Variants in STK32B observed in about 807,000 individuals in gnomAD.
The protein encoded by STK32B is serine/threonine kinase 32B, also known as serine/threonine-protein kinase 32B.
A neutral mutation model predicts 52.6 loss-of-function variants in STK32B; 43 were observed. The ratio of observed to expected loss-of-function variants is 0.82; its 90% confidence interval spans 0.64 to 1.05. The LOEUF (loss-of-function observed/expected upper bound fraction) is 1.05, where lower values mean the gene tolerates loss of function less well. STK32B is among the 50% of genes least tolerant of loss of function. The probability of loss-of-function intolerance (pLI) is 0.00; values close to 1 mark genes in which losing one functional copy is unlikely to be tolerated. For synonymous variants in STK32B, 238 were observed against 204.3 expected, an observed-to-expected ratio of 1.17 and a Z score of -1.41; for missense variants, 621 against 534.6, an observed-to-expected ratio of 1.16 and a Z score of -1.59.
chr4:5,409,789 A>G lies in STK32B; in HGVS notation c.473-7056A>G, dbSNP rs771962597. 3.8e-4 allele frequency among the ~76,000 whole-genome samples: 58 copies of G among 152,156 alleles called. 1 individual carries two copies. The highest frequency in any genetic ancestry group is 3.2e-3 in the Middle Eastern group (1 of 316). ...CCACTCTTCACCTGTGCATGGGGGCAGCCTGGAGCAGACAGATGATTTTTT... is the reference window on the plus strand; with the variant it reads ...CCACTCTTCACCTGTGCATGGGGGCGGCCTGGAGCAGACAGATGATTTTTT... On this transcript the variant is annotated intron_variant, in intron 5 of 11. Coordinates refer to ENST00000282908, the MANE Select transcript of STK32B (RefSeq NM_018401.3).
chr4:5,053,409 T>G (rs747943097), intron 1 of STK32B, among the ~76,000 whole-genome samples: 1 of 152,146 alleles, frequency 6.6e-6, no homozygotes, highest in Non-Finnish European at 1.5e-5. Flanking sequence ...GTTTGAACAC[T>G]ATGCAGCATC....
the STK32B span, among the ~76,000 whole-genome samples, chr4:5,024,044 G>C: frequency 3.9e-5 from 6 of 152,148 alleles, no homozygotes; most frequent in African/African-American, 1.2e-4. Flanking sequence ...AGGGAATCTG[G>C]AGCTCAGGAA....
chr4:5,273,946 C>T (rs1424568966), intron 3 of STK32B, among the ~76,000 whole-genome samples: 2 of 151,060 alleles, frequency 1.3e-5, no homozygotes, highest in African/African-American at 4.9e-5. Context: ...ACATATGTAA[C>T]TAACCTGCAC....
intron 3 of STK32B, among the ~76,000 whole-genome samples, chr4:5,249,493 T>TCCCTC (rs1725754231): frequency 8.2e-6 from 1 of 121,930 alleles, no homozygotes; most frequent in African/African-American, 3.7e-5. Flanking sequence ...CTTCCTTCCT[T>TCCCTC]CCTTCCTTCC....
chr4:5,261,718 A>C (rs1726723591), intron 3 of STK32B, among the ~76,000 whole-genome samples: 1 of 152,168 alleles, frequency 6.6e-6, no homozygotes, highest in Non-Finnish European at 1.5e-5. Flanking sequence ...CAAACACTGG[A>C]CACTCAGAAA....
chr4:5,466,822 C>T lies in STK32B; in HGVS notation c.1029C>T (p.Asp343=). The change falls in exon 10 of 12, where the codon GAC becomes GAT. Residue 343 remains aspartate, a synonymous_variant. Transcript: ENST00000282908. The stretch of plus-strand genomic sequence containing the variant: ...ACAGATCCAGGGATGGCACAAAGGA[C>T]AGCTGCCCGCTGGTGAGTGCTTCGT... ...AKNRSRDGTK[D]SCPLNGHLQH... is the part of the protein sequence containing the mutation. The T allele has an allele frequency of 1.2e-6, 2 of 1,613,390 alleles. No individual in the cohort carries two copies. The highest frequency in any genetic ancestry group is 1.1e-5 in the South Asian group (1 of 90,892).
chr4:5,330,518 G>C (rs1304408648), intron 3 of STK32B, among the ~76,000 whole-genome samples: 1 of 152,126 alleles, frequency 6.6e-6, no homozygotes, highest in Admixed American at 6.5e-5. Flanking sequence ...TGGGGTAACT[G>C]GGCTCAGCTG....
chr4:5,191,573 C>G (rs1721205141), intron 3 of STK32B, among the ~76,000 whole-genome samples: 1 of 152,058 alleles, frequency 6.6e-6, no homozygotes, highest in African/African-American at 2.4e-5. Context: ...CCTTTTTTAA[C>G]TTGTTGGTGT....
rs1413419721 is a variant in STK32B at position 5,398,289 on chromosome 4, T to C, written c.472+45T>C. On this transcript the variant is annotated intron_variant, in intron 5 of 11. Transcript: ENST00000282908. The surrounding 1 kb of genome is among the most constrained non-coding windows in gnomAD (Gnocchi z 4.9). ...TTTACAGGGACTCTCAGTGGAAAGT[T>C]TGAGGCACTGGGAAATAGTGCGGGG... is the stretch of plus-strand genomic sequence containing the variant. The C allele has an allele frequency of 6.2e-7, 1 of 1,611,516 alleles. No homozygotes were observed.
At chr4:5,048,296 ATTTTTT>A (rs934389483), upstream of STK32B, among the ~76,000 whole-genome samples, 1 of 111,864 alleles carries the variant, frequency 8.9e-6, no homozygotes, top group African/African-American at 3.5e-5. Context: ...TGCCTGGCTA[ATTTTTT>A]TTTTTTTTTT....
At chr4:5,340,824 A>G (rs1042846306) in intron 4 of STK32B, among the ~76,000 whole-genome samples, 6 of 152,352 alleles carry the variant, frequency 3.9e-5, no homozygotes, top group African/African-American at 1.2e-4. Context: ...GTACACATAT[A>G]TATAAATATA....
At chr4:5,175,375 C>T (rs1210796257) in intron 3 of STK32B, among the ~76,000 whole-genome samples, 1 of 152,224 alleles carries the variant, frequency 6.6e-6, no homozygotes. Context: ...GGAGAAGAGG[C>T]ACTCTGATTT....
chr4:5,372,127 C>G (rs1735284263), intron 4 of STK32B, among the ~76,000 whole-genome samples: 1 of 152,230 alleles, frequency 6.6e-6, no homozygotes, highest in East Asian at 1.9e-4. Context: ...TGAGCAACCC[C>G]TTGGAGGAGA....
intron 4 of STK32B, among the ~76,000 whole-genome samples, chr4:5,359,949 T>G (rs192145516): frequency 7.0e-4 from 106 of 152,286 alleles, no homozygotes; most frequent in Middle Eastern, 3.4e-3. Flanking sequence ...AGAAACATGG[T>G]TCAATCTATG....
At chr4:5,343,503 C>G (rs1733240662) in intron 4 of STK32B, among the ~76,000 whole-genome samples, 1 of 152,086 alleles carries the variant, frequency 6.6e-6, no homozygotes, top group African/African-American at 2.4e-5. Context: ...ATTTCTAGTT[C>G]TAGATCCCTG....
chr4:5,178,060 G>T lies in STK32B; in HGVS notation c.260+9610G>T, dbSNP rs201454364. Among the ~76,000 whole-genome samples the T allele has an allele frequency of 2.8e-4, 43 of 152,358 alleles. No homozygotes were observed. The East Asian group carries it at 8.3e-3, about 29-fold the overall frequency. ...GGCAGTGCCCCAGTGGGGACTCTGT[G>T]TGGGGGCTCTGCTCCCACATTTCCC... On this transcript the variant is annotated intron_variant, in intron 3 of 11. Coordinates refer to ENST00000282908, the MANE Select transcript of STK32B (RefSeq NM_018401.3).
chr4:5,082,329 A>G (rs1712485185), intron 1 of STK32B, among the ~76,000 whole-genome samples: 1 of 152,184 alleles, frequency 6.6e-6, no homozygotes, highest in Non-Finnish European at 1.5e-5. Context: ...GCACAAGTCC[A>G]TGGAGGTGCA....
intron 3 of STK32B, among the ~76,000 whole-genome samples, chr4:5,174,508 ATC>A (rs1719666451): frequency 6.6e-6 from 1 of 152,146 alleles, no homozygotes; most frequent in Non-Finnish European, 1.5e-5. Flanking sequence ...TGGTGACAAA[ATC>A]TCTCAGCATT....
chr4:5,463,946 A>T (rs775203901), intron 9 of STK32B, among the ~76,000 whole-genome samples: 6 of 152,226 alleles, frequency 3.9e-5, no homozygotes, highest in Admixed American at 6.5e-5. Context: ...TGGGTAATTT[A>T]TAAAGAAGAG....
Sources: gnomAD v4.1 joint callset for allele counts (sites outside exome capture counted in the v4.1 genomes callset) on GRCh38, gnomAD v4.1.1 for gene constraint, Gnocchi (gnomAD v3.1) non-coding constraint, MANE v1.5 for transcripts, NCBI Gene and HGNC (gene_info 2026-07-23, HGNC 2026-07-21) for gene names.